TMEM26: variants seen among roughly 807,000 people sequenced by gnomAD.
TMEM26 encodes transmembrane protein 26.
In TMEM26, 38 loss-of-function variants were observed where a neutral mutation model predicts 28.8. The observed-to-expected ratio is 1.32, with a 90% confidence interval of 1.02 to 1.73. The LOEUF (loss-of-function observed/expected upper bound fraction) is 1.73, where lower values mean the gene tolerates loss of function less well. Among genes scored for constraint, TMEM26 ranks in the 40% most tolerant of loss-of-function variants. The pLI is 0.00. For missense variants in TMEM26, 518 were observed against 447.1 expected, an observed-to-expected ratio of 1.16 and a Z score of -1.43; for synonymous variants, 227 against 182.9, an observed-to-expected ratio of 1.24 and a Z score of -1.95.
chr10:61,448,052 T>C (rs1475686752), intron 1 of TMEM26, among the ~76,000 whole-genome samples: 1 of 152,292 alleles, frequency 6.6e-6, no homozygotes, highest in Non-Finnish European at 1.5e-5. Context: ...ACTTGAATAA[T>C]GCCTGACACA....
chr10:61,447,176 T>C (rs1840199016), intron 1 of TMEM26, among the ~76,000 whole-genome samples: 1 of 152,214 alleles, frequency 6.6e-6, no homozygotes, highest in Non-Finnish European at 1.5e-5. Context: ...AATCCCTCTA[T>C]CTCATCCTCT....
At chr10:61,438,761 G>A (rs1466897753) in intron 1 of TMEM26, among the ~76,000 whole-genome samples, 1 of 152,004 alleles carries the variant, frequency 6.6e-6, no homozygotes, top group Admixed American at 6.6e-5. Context: ...TCTGATATTC[G>A]AAGACTTCAT....
chr10:61,415,620 G>T (rs1839639011), intron 4 of TMEM26, among the ~76,000 whole-genome samples: 1 of 152,042 alleles, frequency 6.6e-6, no homozygotes, highest in East Asian at 1.9e-4. Context: ...AGTTATGAGT[G>T]TTGAGAGCAG....
rs981014425 is a variant in TMEM26 at position 61,409,290 on chromosome 10, C to T, written c.*1032G>A. 1.3e-5 allele frequency: 2 copies of T among 152,198 alleles called. No homozygotes were observed. The highest frequency in any genetic ancestry group is 4.8e-5 in the African/African-American group (2 of 41,434). The allele number at this position is 152,198 out of a possible 1,614,324, so 9.4% of individuals were successfully genotyped here. ...CAACGGGGTAGCACATTCCGACTCC[C>T]GTCACTCAACAAGGGCTGTTGGCCA... On this transcript the variant is annotated 3_prime_UTR_variant, in exon 6 of 6. Transcript: ENST00000399298.
At chr10:61,417,301 A>C (rs999524733) in intron 4 of TMEM26, among the ~76,000 whole-genome samples, 1 of 152,060 alleles carries the variant, frequency 6.6e-6, no homozygotes, top group Non-Finnish European at 1.5e-5. Flanking sequence ...CTATTTGAAA[A>C]AAATTGTAAG....
intron 4 of TMEM26, among the ~76,000 whole-genome samples, chr10:61,427,086 G>A (rs1042203279): frequency 1.3e-5 from 2 of 151,960 alleles, no homozygotes; most frequent in East Asian, 3.9e-4. Flanking sequence ...ACTTCAACCT[G>A]AGACAATGAA....
intron 3 of TMEM26, among the ~76,000 whole-genome samples, chr10:61,430,550 T>C (rs35473188): frequency 0.1 from 14,516 of 145,724 alleles, 1,523 homozygotes; most frequent in African/African-American, 0.27. Flanking sequence ...ATTGTCTAGG[T>C]AGAAAATCCC....
At chr10:61,419,781 G>A (rs770455750) in intron 4 of TMEM26, among the ~76,000 whole-genome samples, 1 of 151,974 alleles carries the variant, frequency 6.6e-6, no homozygotes, top group Non-Finnish European at 1.5e-5. Context: ...AGAAATAATG[G>A]ATGAAAATTT....
intron 5 of TMEM26, among the ~76,000 whole-genome samples, chr10:61,411,289 C>G (rs1209497619): frequency 3.9e-5 from 6 of 152,120 alleles, no homozygotes; most frequent in Non-Finnish European, 7.4e-5. Context: ...GAGAGGGGTC[C>G]CTATTCATTG....
chr10:61,428,967 T>C lies in TMEM26; in HGVS notation c.564A>G (p.Ile188Met). ...LLMFVGTAAD[I>M]LEFTSETLEE... ...CTAGGGTCTCACTTGTGAATTCCAG[T>C]ATGTCAGCCGCTGTCCCCACAAACA... Residue 188 changes from isoleucine (I) to methionine (M), a missense_variant, in exon 4 of 6, where the codon ATA becomes ATG. Physicochemically the swap from Ile to Met is conservative, Grantham distance 10 (BLOSUM62 1). Coordinates refer to ENST00000399298, the MANE Select transcript of TMEM26 (RefSeq NM_178505.8). 1.2e-5 allele frequency: 19 copies of C among 1,613,250 alleles called. No individual in the cohort carries two copies. Among genetic ancestry groups the C allele is most frequent in the Non-Finnish European group, 1.5e-5 (18 of 1,179,396 alleles).
intron 2 of TMEM26, among the ~76,000 whole-genome samples, chr10:61,434,222 T>C (rs1839966890): frequency 6.6e-6 from 1 of 152,196 alleles, no homozygotes; most frequent in Admixed American, 6.5e-5. Context: ...TTCATTTTAA[T>C]TCTCAGTGTC....
At chr10:61,418,841 C>G (rs916043725) in intron 4 of TMEM26, among the ~76,000 whole-genome samples, 2 of 152,042 alleles carry the variant, frequency 1.3e-5, no homozygotes, top group Non-Finnish European at 2.9e-5. Flanking sequence ...TGAGAAACTG[C>G]AGGCATGTTC....
rs1839542992 is a variant in TMEM26, at chr10:61,410,059, AC to A, written c.*262del. 2.2e-6 allele frequency: 1 copy of A among 460,948 alleles called. No individual in the cohort carries two copies. The highest frequency in any genetic ancestry group is 3.9e-6 in the Non-Finnish European group (1 of 259,174). The allele number at this position is 460,948 out of a possible 1,614,324, so 28.6% of individuals were successfully genotyped here. A position where few individuals can be genotyped will look rare whatever the true frequency, so the allele number is the denominator to read the frequency against. ...TGTAACCTCTTCCATAGCTTTTCAAACAGTTCAAGACAAACAAATCACTTAG... is the reference window on the plus strand; with the variant it reads ...TGTAACCTCTTCCATAGCTTTTCAAAAGTTCAAGACAAACAAATCACTTAG... On this transcript the variant is annotated 3_prime_UTR_variant, in exon 6 of 6. Coordinates refer to ENST00000399298, the MANE Select transcript of TMEM26 (RefSeq NM_178505.8).
intron 4 of TMEM26, among the ~76,000 whole-genome samples, chr10:61,425,029 G>T (rs1488735842): frequency 6.6e-6 from 1 of 152,138 alleles, no homozygotes; most frequent in Non-Finnish European, 1.5e-5. Context: ...CCCAACACTG[G>T]GTAATTTATA....
chr10:61,446,282 A>T (rs1299276684), intron 1 of TMEM26, among the ~76,000 whole-genome samples: 1 of 152,158 alleles, frequency 6.6e-6, no homozygotes, highest in African/African-American at 2.4e-5. Context: ...TGCTAATAAC[A>T]TTCAGTGTGT....
Position 61,443,441 on chromosome 10 carries a change from G to A in TMEM26, c.192-7193C>T, listed in dbSNP as rs191706242. On this transcript the variant is annotated intron_variant, in intron 1 of 5. Transcript: ENST00000399298. ...GATTGGGTCACTGCACTCCAGCCTG[G>A]GCAACTGAGGGAGACTCCATCTCAA... Among the ~76,000 whole-genome samples, 981 of 151,782 alleles carry A rather than the reference G, an allele frequency of 6.5e-3. 31 individuals carry two copies. Among genetic ancestry groups the A allele is most frequent in the East Asian group, 0.062 (320 of 5,156 alleles).
At chr10:61,451,356 A>G (rs113464441) in intron 1 of TMEM26, among the ~76,000 whole-genome samples, 1 of 152,148 alleles carries the variant, frequency 6.6e-6, no homozygotes, top group Non-Finnish European at 1.5e-5. Flanking sequence ...CCCTCTTCTG[A>G]GGCTGAAGGT....
chr10:61,428,869 A>G (rs1288414402), intron 4 of TMEM26, 57 bp downstream of exon 4: 6 of 1,428,196 alleles, frequency 4.2e-6, no homozygotes, highest in Non-Finnish European at 4.9e-6. Context: ...GAACAAAGAG[A>G]CAGGTGCATG....
intron 5 of TMEM26, among the ~76,000 whole-genome samples, chr10:61,411,043 C>A (rs776600658): frequency 7.2e-5 from 11 of 152,130 alleles, no homozygotes; most frequent in Non-Finnish European, 1.0e-4. Flanking sequence ...GTGCTTATAG[C>A]CCAAGCTCCT....
Sources: allele counts gnomAD v4.1 joint callset (sites outside exome capture counted in the v4.1 genomes callset), GRCh38; gene constraint gnomAD v4.1.1; transcripts MANE v1.5; gene names NCBI Gene and HGNC (gene_info 2026-07-23, HGNC 2026-07-21).